HEATR4: variants seen among roughly 807,000 people sequenced by gnomAD.
The protein encoded by HEATR4 is HEAT repeat-containing protein 4.
HEATR4 carries 95 observed loss-of-function variants against 108.8 expected under a neutral mutation model. The observed-to-expected ratio is 0.87, with a 90% CI of 0.74 to 1.04. The LOEUF is 1.04. HEATR4 is among the 50% of genes least tolerant of loss of function. The probability of loss-of-function intolerance (pLI) is 0.00; values close to 1 mark genes in which losing one functional copy is unlikely to be tolerated. For synonymous variants in HEATR4, 443 were observed against 459.4 expected (o/e 0.96, Z 0.46); for missense variants, 1,152 against 1,253.8 (o/e 0.92, Z 1.23).
the HEATR4 span, among the ~76,000 whole-genome samples, chr14:73,590,110 A>G: frequency 2.6e-5 from 4 of 152,176 alleles, no homozygotes; most frequent in Non-Finnish European, 5.9e-5. Context: ...ACAAGTTGCC[A>G]CTGCTAGCTC....
upstream of HEATR4, among the ~76,000 whole-genome samples, chr14:73,559,718 G>A (rs1889482287): frequency 6.6e-6 from 1 of 151,920 alleles, no homozygotes. Context: ...CTCCAGCCTG[G>A]GCAGCAAGAG....
At chr14:73,632,959 T>G in the HEATR4 span, among the ~76,000 whole-genome samples, 1 of 151,972 alleles carries the variant, frequency 6.6e-6, no homozygotes, top group East Asian at 1.9e-4. Context: ...TAGAACTTAT[T>G]TCCTTAGGGT....
At chr14:73,560,291 G>A (rs1268909781), upstream of HEATR4, among the ~76,000 whole-genome samples, 4 of 151,998 alleles carry the variant, frequency 2.6e-5, no homozygotes, top group Admixed American at 1.3e-4. Flanking sequence ...CCTGAATATG[G>A]ACTTTAGCAC....
At chr14:73,520,256 G>A (rs1043434084) in intron 4 of HEATR4, 1 of 152,282 alleles carries the variant, frequency 6.6e-6, no homozygotes, top group Non-Finnish European at 1.5e-5. Flanking sequence ...AGTAGGGACA[G>A]GGAAGGTGGC....
chr14:73,481,875 A>C (rs1012690561), intron 17 of HEATR4, among the ~76,000 whole-genome samples: 3 of 151,448 alleles, frequency 2.0e-5, no homozygotes, highest in African/African-American at 4.8e-5. Flanking sequence ...AAACATCAGT[A>C]GTTGTCCAGC....
chr14:73,537,373 G>T (rs773294214), intron 1 of HEATR4: 2 of 1,219,402 alleles, frequency 1.6e-6, no homozygotes, highest in South Asian at 1.4e-5. Context: ...AGTTGCAGGG[G>T]TCTCCACAGC....
the HEATR4 span, chr14:73,612,774 T>C: frequency 7.3e-7 from 1 of 1,368,806 alleles, no homozygotes; most frequent in South Asian, 1.7e-5. Flanking sequence ...GCGCCCGCGC[T>C]GGGAGGCAGC....
intron 3 of HEATR4, 32 bp from the exon 4 acceptor site, chr14:73,521,071 G>T (rs776712523): frequency 6.3e-7 from 1 of 1,580,440 alleles, no homozygotes; most frequent in Non-Finnish European, 8.7e-7. Context: ...GGGAAAAGGG[G>T]GAAAGAGTAG....
chr14:73,592,177 C>T, the HEATR4 span: 11 of 1,605,278 alleles, frequency 6.9e-6, no homozygotes, highest in Middle Eastern at 3.3e-4. Context: ...GGCAGCTTCG[C>T]GGGACTCGAG....
intron 17 of HEATR4, among the ~76,000 whole-genome samples, chr14:73,484,538 C>A (rs148095201): frequency 3.3e-5 from 5 of 151,956 alleles, no homozygotes; most frequent in Non-Finnish European, 7.4e-5. Context: ...GCCACCACAC[C>A]CGGCTAATTT....
At chr14:73,481,787 G>A (rs1885268972) in intron 17 of HEATR4, among the ~76,000 whole-genome samples, 1 of 152,134 alleles carries the variant, frequency 6.6e-6, no homozygotes, top group Non-Finnish European at 1.5e-5. Context: ...GGAGCTTGCA[G>A]TGAGCCAAGA....
At chr14:73,537,184 G>C (rs781613407) in intron 1 of HEATR4, 2 of 400,662 alleles carry the variant, frequency 5.0e-6, no homozygotes, top group Non-Finnish European at 8.1e-6. Context: ...AACCTAGGAA[G>C]TTGCTTTCCA....
At chr14:73,606,384 C>CA in the HEATR4 span, among the ~76,000 whole-genome samples, 652 of 143,352 alleles carry the variant, frequency 4.5e-3, 1 homozygote, top group African/African-American at 9.2e-3. Flanking sequence ...CAAAACAAAA[C>CA]AAAAAAAAAA....
At chr14:73,574,815 T>A in the HEATR4 span, 1 of 1,594,434 alleles carries the variant, frequency 6.3e-7, no homozygotes, top group Non-Finnish European at 8.6e-7. Context: ...AGATTCAGAC[T>A]CAGGTTCAAC....
the HEATR4 span, among the ~76,000 whole-genome samples, chr14:73,579,593 A>T: frequency 1.3e-5 from 2 of 150,822 alleles, no homozygotes; most frequent in Non-Finnish European, 1.5e-5. Flanking sequence ...AAAAAAAAAA[A>T]AAAAGTAGAG....
rs1194210473 is a variant in HEATR4, at chr14:73,552,937, C to G, written c.-152+5814G>C. ...TCCCCCACCAGCTCCCTTCCATCCC[C>G]CATGGGTCCTATCCAGGGTTTCCCC... On this transcript the variant is annotated intron_variant, in intron 1 of 17. Coordinates refer to ENST00000553558, the MANE Select transcript of HEATR4 (RefSeq NM_001220484.1). Among the ~76,000 whole-genome samples the G allele has an allele frequency of 1.8e-5, 2 of 113,682 alleles. 1 individual carries two copies. Among genetic ancestry groups the G allele is most frequent in the Middle Eastern group, 8.5e-3 (2 of 236 alleles). 74.6% of individuals were successfully genotyped at this position (113,682 alleles called of 152,430 possible).
chr14:73,479,399 C>T (rs1425554120), intron 17 of HEATR4, among the ~76,000 whole-genome samples: 1 of 127,636 alleles, frequency 7.8e-6, no homozygotes, highest in East Asian at 2.6e-4. Context: ...ACGGTGTCAG[C>T]CACTGCGCCC....
At chr14:73,579,939 A>T in the HEATR4 span, among the ~76,000 whole-genome samples, 1 of 151,854 alleles carries the variant, frequency 6.6e-6, no homozygotes, top group African/African-American at 2.4e-5. Context: ...CCAAAAAATA[A>T]AATAATTTGC....
At chr14:73,601,971 A>G in the HEATR4 span, among the ~76,000 whole-genome samples, 1 of 150,988 alleles carries the variant, frequency 6.6e-6, no homozygotes, top group Non-Finnish European at 1.5e-5. Flanking sequence ...GACGGAGTCT[A>G]AATCTGTTGC....
Sources: gnomAD v4.1 joint callset for allele counts (sites outside exome capture counted in the v4.1 genomes callset) on GRCh38, gnomAD v4.1.1 for gene constraint, MANE v1.5 for transcripts, NCBI Gene and HGNC (gene_info 2026-07-23, HGNC 2026-07-21) for gene names.